CBFA2T2: variants seen among roughly 807,000 people sequenced by gnomAD.
CBFA2T2 encodes the protein CBFA2/RUNX1 partner transcriptional co-repressor 2.
In CBFA2T2, 11 loss-of-function variants were observed where a neutral mutation model predicts 62.2. That is an observed-to-expected ratio of 0.18 (90% CI 0.11 to 0.29). CBFA2T2 has a LOEUF of 0.29. Ranked by LOEUF, CBFA2T2 falls within the 10% of genes least tolerant of loss-of-function variation. The probability of loss-of-function intolerance (pLI) is 1.00; values close to 1 mark genes in which losing one functional copy is unlikely to be tolerated. For missense variants in CBFA2T2, 592 were observed against 774.1 expected, an observed-to-expected ratio of 0.76 and a Z score of 2.79; for synonymous variants, 295 against 287.5, an observed-to-expected ratio of 1.03 and a Z score of -0.27.
intron 1 of CBFA2T2, among the ~76,000 whole-genome samples, chr20:33,578,185 A>T (rs2013920223): frequency 6.6e-6 from 1 of 152,196 alleles, no homozygotes; most frequent in African/African-American, 2.4e-5. Flanking sequence ...ACAGCTGACT[A>T]CTTTAGTATT....
rs138968971 is a variant in CBFA2T2, at chr20:33,544,891, A to T, written c.34+54590A>T. On this transcript the variant is annotated intron_variant, in intron 1 of 10. Coordinates refer to ENST00000342704, the MANE Select transcript of CBFA2T2 (RefSeq NM_001032999.3). ...TCCATTGCCTCAAACATGGTCAGGC[A>T]TCTGATAGATGCACAATAAATATTT... Among the ~76,000 whole-genome samples the T allele has an allele frequency of 4.2e-3, 637 of 152,240 alleles. 4 individuals are homozygous for T. The highest frequency in any genetic ancestry group is 0.014 in the African/African-American group (591 of 41,518).
At chr20:33,547,430 C>T (rs552486649) in intron 1 of CBFA2T2, among the ~76,000 whole-genome samples, 91 of 152,138 alleles carry the variant, frequency 6.0e-4, no homozygotes, top group Non-Finnish European at 1.3e-3. Flanking sequence ...ATGGCCAGTG[C>T]TGTTGCTCAT....
chr20:33,515,070 C>T (rs951413394), intron 1 of CBFA2T2, among the ~76,000 whole-genome samples: 4 of 149,790 alleles, frequency 2.7e-5, no homozygotes, highest in African/African-American at 7.3e-5. Context: ...TACTGTTGGC[C>T]GGGCTTGGTG....
At position 33,611,143 on chromosome 20, in the gene CBFA2T2, A is replaced by G. The variant is rs200532160; in HGVS notation, c.228A>G (p.Ser76=). ...HSPPTLNGAP[S]PPQRFSNGPA... is the part of the protein sequence containing the mutation. ...CTCCTACCCTGAATGGTGCCCCATC[A>G]CCGCCACAGAGATTCAGCAATGGTC... The change falls in exon 3 of 11, where the codon TCA becomes TCG. Residue 76 remains serine (S), a synonymous_variant. Transcript: ENST00000342704. 59 of 1,614,004 alleles carry G rather than the reference A, an allele frequency of 3.7e-5. No homozygotes were observed. Among genetic ancestry groups the G allele is most frequent in the Non-Finnish European group, 5.0e-5 (59 of 1,180,018 alleles).
chr20:33,548,445 T>C (rs2012640192), intron 1 of CBFA2T2, among the ~76,000 whole-genome samples: 1 of 151,806 alleles, frequency 6.6e-6, no homozygotes, highest in South Asian at 2.1e-4. Context: ...GGTTTCACCA[T>C]GTTGGCCAGG....
At chr20:33,575,936 C>T (rs1432180059) in intron 1 of CBFA2T2, among the ~76,000 whole-genome samples, 2 of 151,848 alleles carry the variant, frequency 1.3e-5, no homozygotes, top group Admixed American at 1.3e-4. Flanking sequence ...AGCCACCACG[C>T]CTGGCTAATT....
At chr20:33,573,893 A>ACCTCAG (rs1478594537) in intron 1 of CBFA2T2, 3 of 276,132 alleles carry the variant, frequency 1.1e-5, no homozygotes, top group African/African-American at 2.3e-5. Flanking sequence ...TAGTTGTCCC[A>ACCTCAG]CCTCAGCCTC....
At chr20:33,543,341 G>A (rs1284708755) in intron 1 of CBFA2T2, among the ~76,000 whole-genome samples, 1 of 152,156 alleles carries the variant, frequency 6.6e-6, no homozygotes, top group Non-Finnish European at 1.5e-5. Flanking sequence ...ATACACTTTT[G>A]TATTAGATAT....
chr20:33,548,408 T>C (rs2012639214), intron 1 of CBFA2T2, among the ~76,000 whole-genome samples: 1 of 151,852 alleles, frequency 6.6e-6, no homozygotes, highest in Non-Finnish European at 1.5e-5. Flanking sequence ...CGCACCTGGC[T>C]AATTTTTGTA....
chr20:33,545,087 A>G (rs1001550084), intron 1 of CBFA2T2, among the ~76,000 whole-genome samples: 17 of 152,176 alleles, frequency 1.1e-4, no homozygotes, highest in Non-Finnish European at 2.2e-4. Context: ...CTTTACTCCA[A>G]ATGACGTTAA....
At chr20:33,527,475 C>T (rs774863549) in intron 1 of CBFA2T2, among the ~76,000 whole-genome samples, 16 of 149,726 alleles carry the variant, frequency 1.1e-4, no homozygotes, top group Non-Finnish European at 1.9e-4. Flanking sequence ...CGGGTTCAAG[C>T]AGTTCTCCTG....
At position 33,615,308 on chromosome 20, in the gene CBFA2T2, A is replaced by C. The variant is rs968033467; in HGVS notation, c.420+3973A>C. 7.9e-5 allele frequency among the ~76,000 whole-genome samples: 12 copies of C among 152,316 alleles called. No homozygotes were observed. The East Asian group carries it at 2.3e-3, about 29-fold the overall frequency. On this transcript the variant is annotated intron_variant, in intron 3 of 10. Coordinates refer to ENST00000342704, the MANE Select transcript of CBFA2T2 (RefSeq NM_001032999.3). ...CATTTTGCACTTCAAGGTAATGGTA[A>C]ATGTTTTGTGCTTCACTTACTTATT... is the stretch of plus-strand genomic sequence containing the variant.
intron 3 of CBFA2T2, among the ~76,000 whole-genome samples, chr20:33,613,174 T>C (rs2015588842): frequency 6.6e-6 from 1 of 152,250 alleles, no homozygotes; most frequent in Non-Finnish European, 1.5e-5. Flanking sequence ...TGAGGTTTAG[T>C]CCTTGTTACG....
At chr20:33,616,334 T>C (rs2122313723) in intron 3 of CBFA2T2, among the ~76,000 whole-genome samples, 1 of 152,318 alleles carries the variant, frequency 6.6e-6, no homozygotes, top group South Asian at 2.1e-4. Context: ...ATTTTTATTA[T>C]AAACCAGGAG....
At chr20:33,602,269 A>C (rs2122274645) in intron 1 of CBFA2T2, among the ~76,000 whole-genome samples, 1 of 152,066 alleles carries the variant, frequency 6.6e-6, no homozygotes, top group African/African-American at 2.4e-5. Flanking sequence ...ACAACTAGGG[A>C]GTGATGGAGC....
chr20:33,585,686 C>A (rs78393320), intron 1 of CBFA2T2, among the ~76,000 whole-genome samples: 43 of 152,130 alleles, frequency 2.8e-4, no homozygotes, highest in African/African-American at 1.0e-3. Context: ...ATGTTGGTAC[C>A]TTGAAATACA....
chr20:33,577,247 G>C lies in CBFA2T2; in HGVS notation c.35-29709G>C, dbSNP rs148885483. On this transcript the variant is annotated intron_variant, in intron 1 of 10. Coordinates refer to ENST00000342704, the MANE Select transcript of CBFA2T2 (RefSeq NM_001032999.3). ...ATTTATCCATTTTTCTAATATACCTGGATTTTTAAAAATATTGATGGATAA... is the reference window on the plus strand; with the variant it reads ...ATTTATCCATTTTTCTAATATACCTCGATTTTTAAAAATATTGATGGATAA... 6.2e-3 allele frequency among the ~76,000 whole-genome samples: 946 copies of C among 151,934 alleles called. 6 individuals are homozygous for C. Among genetic ancestry groups the C allele is most frequent in the Non-Finnish European group, 9.5e-3 (645 of 67,966 alleles).
chr20:33,590,320 C>A (rs1568837552), intron 1 of CBFA2T2, among the ~76,000 whole-genome samples: 1 of 151,598 alleles, frequency 6.6e-6, no homozygotes, highest in East Asian at 1.9e-4. Context: ...TTAAAAGAAA[C>A]CATCAAACCC....
At chr20:33,594,937 G>T (rs972092668) in intron 1 of CBFA2T2, among the ~76,000 whole-genome samples, 1 of 152,214 alleles carries the variant, frequency 6.6e-6, no homozygotes, top group Admixed American at 6.5e-5. Flanking sequence ...GAAACAGATG[G>T]TGTGCAGTTG....
Sources: gnomAD v4.1 joint callset for allele counts (sites outside exome capture counted in the v4.1 genomes callset) on GRCh38, gnomAD v4.1.1 for gene constraint, MANE v1.5 for transcripts, NCBI Gene and HGNC (gene_info 2026-07-23, HGNC 2026-07-21) for gene names.